The following ERC2 variants were observed in gnomAD, a reference collection of about 807,000 sequenced individuals.
ERC2 encodes ELKS/RAB6-interacting/CAST family member 2, also known as ERC protein 2.
Under a neutral mutation model 114.8 loss-of-function variants are expected in ERC2, and 42 were observed. That is an observed-to-expected ratio of 0.37 (90% confidence interval 0.29 to 0.47). ERC2 has a LOEUF of 0.47. ERC2 is among the 20% of genes least tolerant of loss of function. The pLI is 0.99. For missense variants in ERC2, 939 were observed against 1,150.7 expected, an observed-to-expected ratio of 0.82 and a Z score of 2.66; for synonymous variants, 454 against 425.5, an observed-to-expected ratio of 1.07 and a Z score of -0.82.
chr3:55,785,572 C>T (rs1463772452), intron 14 of ERC2, among the ~76,000 whole-genome samples: 1 of 152,216 alleles, frequency 6.6e-6, no homozygotes, highest in African/African-American at 2.4e-5. Context: ...ACACTGAGGA[C>T]CTCACATGGC....
At chr3:55,699,835 T>C (rs368420589) in intron 15 of ERC2, among the ~76,000 whole-genome samples, 8 of 152,280 alleles carry the variant, frequency 5.3e-5, no homozygotes, top group Non-Finnish European at 4.4e-5. Context: ...AAGGTGAGCT[T>C]GCAATTGCAA....
intron 3 of ERC2, among the ~76,000 whole-genome samples, chr3:56,288,093 G>A (rs188316703): frequency 1.2e-4 from 19 of 152,332 alleles, no homozygotes; most frequent in African/African-American, 3.8e-4. Context: ...CACATGTAAA[G>A]TATTAATGTT....
chr3:55,883,316 C>T (rs183031438), intron 14 of ERC2, among the ~76,000 whole-genome samples: 94 of 152,134 alleles, frequency 6.2e-4, no homozygotes, highest in Non-Finnish European at 1.2e-3. Flanking sequence ...ATAAGAGAAG[C>T]CAAAGAAGAA....
chr3:55,569,748 A>C (rs184184613), intron 17 of ERC2, among the ~76,000 whole-genome samples: 1 of 152,336 alleles, frequency 6.6e-6, no homozygotes, highest in Admixed American at 6.5e-5. Flanking sequence ...CTTTTTAAAA[A>C]ATTACATGAC....
At chr3:56,217,410 A>G (rs552740503) in intron 3 of ERC2, among the ~76,000 whole-genome samples, 1 of 152,314 alleles carries the variant, frequency 6.6e-6, no homozygotes, top group South Asian at 2.1e-4. Context: ...AGAGAATAAT[A>G]CCTAGGAATC....
chr3:56,089,421 C>T (rs2077669103), intron 6 of ERC2, among the ~76,000 whole-genome samples: 1 of 151,922 alleles, frequency 6.6e-6, no homozygotes, highest in Non-Finnish European at 1.5e-5. Context: ...CACATTTGTA[C>T]TTTTACATTT....
At chr3:55,653,351 A>G (rs981343748) in intron 17 of ERC2, among the ~76,000 whole-genome samples, 1 of 152,232 alleles carries the variant, frequency 6.6e-6, no homozygotes, top group Non-Finnish European at 1.5e-5. Context: ...TGCAATAGTG[A>G]TCACAGCAAC....
At position 56,434,915 on chromosome 3, in the gene ERC2, T is replaced by C; in HGVS notation, c.93A>G (p.Arg31=). The C allele has an allele frequency of 6.2e-7, 1 of 1,613,936 alleles. No homozygotes were observed. The highest frequency in any genetic ancestry group is 1.6e-4 in the Middle Eastern group (1 of 6,062). ...TTCCTCCACCTCCCCCACTACTTGTTCTTCGGTGGCCCAAACGAGGAGACC... is the reference window on the plus strand; with the variant it reads ...TTCCTCCACCTCCCCCACTACTTGTCCTTCGGTGGCCCAAACGAGGAGACC... ...LPRSPRLGHR[R]TSSGGGGGTG... Residue 31 remains arginine, a synonymous_variant, in exon 2 of 18, where the codon AGA becomes AGG. Coordinates refer to ENST00000288221, the MANE Select transcript of ERC2 (RefSeq NM_015576.3).
At chr3:55,939,847 G>A (rs1283887151) in intron 13 of ERC2, among the ~76,000 whole-genome samples, 1 of 152,212 alleles carries the variant, frequency 6.6e-6, no homozygotes. Context: ...TTCCTGCACT[G>A]TGTATCTTGT....
intron 15 of ERC2, among the ~76,000 whole-genome samples, chr3:55,700,754 C>T (rs922398145): frequency 1.3e-5 from 2 of 152,128 alleles, no homozygotes; most frequent in Non-Finnish European, 2.9e-5. Context: ...ACACGTGCCT[C>T]CTGCATACCA....
intron 14 of ERC2, among the ~76,000 whole-genome samples, chr3:55,799,768 G>A (rs552719055): frequency 6.6e-6 from 1 of 152,182 alleles, no homozygotes; most frequent in Admixed American, 6.5e-5. Flanking sequence ...TTGGAATAAT[G>A]TTTGCTTCCA....
chr3:55,724,719 C>T (rs1468850082), intron 15 of ERC2, among the ~76,000 whole-genome samples: 2 of 152,192 alleles, frequency 1.3e-5, no homozygotes, highest in African/African-American at 2.4e-5. Context: ...TCTCTGCACA[C>T]ATTATACCCA....
At chr3:56,217,900 A>G (rs2049602941) in intron 3 of ERC2, among the ~76,000 whole-genome samples, 2 of 152,056 alleles carry the variant, frequency 1.3e-5, no homozygotes, top group Admixed American at 1.3e-4. Context: ...AGGATTCCCT[A>G]TTTAATAAAT....
At chr3:56,345,825 C>A (rs1245159050) in intron 2 of ERC2, among the ~76,000 whole-genome samples, 1 of 152,210 alleles carries the variant, frequency 6.6e-6, no homozygotes, top group African/African-American at 2.4e-5. Flanking sequence ...CACATGCATG[C>A]AATCTGTAAG....
intron 1 of ERC2, among the ~76,000 whole-genome samples, chr3:56,465,577 G>C (rs2107594883): frequency 6.6e-6 from 1 of 152,276 alleles, no homozygotes; most frequent in South Asian, 2.1e-4. Context: ...ATTCAACCAA[G>C]ATCTATTTAA....
rs565039157 is a variant in ERC2, at chr3:56,094,655, T to C, written c.1474-13671A>G. Among the ~76,000 whole-genome samples the C allele has an allele frequency of 8.5e-5, 13 of 152,328 alleles. No homozygotes were observed. The South Asian group carries it at 2.7e-3, about 32-fold the overall frequency. On this transcript the variant is annotated intron_variant, in intron 6 of 17. Coordinates refer to ENST00000288221, the MANE Select transcript of ERC2 (RefSeq NM_015576.3). The stretch of plus-strand genomic sequence containing the variant: ...AGGTGAATGATCCAGCTGTACTGTA[T>C]TGAAACATATTTAAAGCTTTGGTAA...
intron 2 of ERC2, among the ~76,000 whole-genome samples, chr3:56,360,740 T>A (rs1329384599): frequency 3.3e-5 from 5 of 152,052 alleles, no homozygotes; most frequent in Admixed American, 1.3e-4. Flanking sequence ...AAACCCCATA[T>A]GTACTAAAAA....
chr3:56,353,587 T>G (rs560535289), intron 2 of ERC2, among the ~76,000 whole-genome samples: 1 of 135,714 alleles, frequency 7.4e-6, no homozygotes, highest in East Asian at 2.2e-4. Flanking sequence ...TTCTCACTCA[T>G]AGGTGGGAAT....
intron 14 of ERC2, among the ~76,000 whole-genome samples, chr3:55,807,386 CT>C (rs1271337138): frequency 6.6e-6 from 1 of 152,076 alleles, no homozygotes; most frequent in East Asian, 1.9e-4. Context: ...CTTTTTGTTC[CT>C]TCCTGAATGC....
Sources: allele counts gnomAD v4.1 joint callset (sites outside exome capture counted in the v4.1 genomes callset), GRCh38; gene constraint gnomAD v4.1.1; transcripts MANE v1.5; gene names NCBI Gene and HGNC (gene_info 2026-07-23, HGNC 2026-07-21).